The following TRPM2 variants were observed in gnomAD, a reference collection of about 807,000 sequenced individuals.
The protein encoded by TRPM2 is transient receptor potential cation channel subfamily M member 2.
A neutral mutation model predicts 174.0 loss-of-function variants in TRPM2; 161 were observed. The ratio of observed to expected loss-of-function variants is 0.93; its 90% CI spans 0.81 to 1.05. The LOEUF is 1.05. TRPM2 is among the 50% of genes least tolerant of loss of function. The pLI is 0.00. For missense variants in TRPM2, 2,057 were observed against 2,038.0 expected (o/e 1.01, Z -0.18); for synonymous variants, 954 against 861.3 (o/e 1.11, Z -1.88).
In TRPM2 at chr21:44,418,661, C is replaced by G. The variant is rs568176462; in HGVS notation, c.3461+106C>G. Reference sequence around the variant, plus strand: ...CCCACCTGGGGAGGCCCAGCAATGCCTCACCGGTGAGGGAGCGCTGTATCC... The same window carrying G: ...CCCACCTGGGGAGGCCCAGCAATGCGTCACCGGTGAGGGAGCGCTGTATCC... On this transcript the variant is annotated intron_variant, in intron 22 of 31. Coordinates refer to ENST00000397928, the MANE Select transcript of TRPM2 (RefSeq NM_003307.4). The G allele has an allele frequency of 1.6e-4, 229 of 1,419,000 alleles. 1 individual carries two copies. In the African/African-American group the frequency reaches 3.0e-3, roughly 19 times the overall value. 87.9% of individuals were successfully genotyped at this position (1,419,000 alleles called of 1,614,324 possible).
chr21:44,441,629 T>TAGGGCTCAGCTGGGCAGAGGC, intron 31 of TRPM2, 63 bp from the exon 32 acceptor site: 1 of 1,551,952 alleles, frequency 6.4e-7, no homozygotes. Flanking sequence ...CTGCAGTCCG[T>TAGGGCTCAGCTGGGCAGAGGC]AGGGCTCAGC....
At chr21:44,401,234 G>A (rs574842699) in intron 15 of TRPM2, among the ~76,000 whole-genome samples, 1 of 152,318 alleles carries the variant, frequency 6.6e-6, no homozygotes, top group South Asian at 2.1e-4. Context: ...ACCACAGGGG[G>A]AGTGTGGTCA....
chr21:44,400,704 A>G (rs1312553852), intron 15 of TRPM2, among the ~76,000 whole-genome samples: 1 of 152,112 alleles, frequency 6.6e-6, no homozygotes, highest in Non-Finnish European at 1.5e-5. Context: ...CGGCGTGGGC[A>G]GTTAGTGCAG....
intron 22 of TRPM2, among the ~76,000 whole-genome samples, chr21:44,419,626 A>AT (rs1368895478): frequency 1.5e-4 from 1 of 6,510 alleles, no homozygotes; most frequent in African/African-American, 6.9e-4. Flanking sequence ...TGTGGTGGTG[A>AT]TTGTGATGGT....
At position 44,439,302 on chromosome 21, in the gene TRPM2, G is replaced by A. The variant is rs1230990424; in HGVS notation, c.4269+134G>A. 1.3e-6 allele frequency: 1 copy of A among 755,884 alleles called. No individual in the cohort carries two copies. Among genetic ancestry groups the A allele is most frequent in the Non-Finnish European group, 2.2e-6 (1 of 456,856 alleles). 46.8% of individuals were successfully genotyped at this position (755,884 alleles called of 1,614,324 possible). On this transcript the variant is annotated intron_variant, in intron 30 of 31. Transcript: ENST00000397928. This position sits in a 1 kb window ranked among gnomAD's most constrained non-coding sequence, Gnocchi z 5.1. ...CACCCAGCTTCACCAGGTGACGGTG[G>A]TCCCAGCCCCTGCCCCCACGTTGCA... is the stretch of plus-strand genomic sequence containing the variant.
At chr21:44,396,492 A>G (rs1264891626) in intron 12 of TRPM2, among the ~76,000 whole-genome samples, 1 of 15,988 alleles carries the variant, frequency 6.3e-5, no homozygotes, top group East Asian at 2.3e-3. Flanking sequence ...CTGTGGAGGG[A>G]TGTGGAGACT....
intron 5 of TRPM2, among the ~76,000 whole-genome samples, chr21:44,371,546 G>A (rs1340767025): frequency 3.3e-5 from 5 of 151,926 alleles, no homozygotes; most frequent in Admixed American, 6.6e-5. Flanking sequence ...CTCTGCCTCC[G>A]TGTCCCGTGG....
intron 22 of TRPM2, among the ~76,000 whole-genome samples, chr21:44,421,878 C>T (rs1163122787): frequency 6.6e-6 from 1 of 152,202 alleles, no homozygotes; most frequent in South Asian, 2.1e-4. Flanking sequence ...GATGGTGCCA[C>T]TGCACTGCAG....
At chr21:44,402,787 C>T (rs540139221) in intron 16 of TRPM2, among the ~76,000 whole-genome samples, 1 of 152,202 alleles carries the variant, frequency 6.6e-6, no homozygotes, top group Non-Finnish European at 1.5e-5. Context: ...CCTGCACCTG[C>T]TGGCAGCCGG....
intron 9 of TRPM2, 107 bp downstream of exon 9, chr21:44,382,927 C>G: frequency 8.4e-7 from 1 of 1,186,886 alleles, no homozygotes; most frequent in Non-Finnish European, 1.2e-6. Context: ...CCAGAATATT[C>G]CTCCTTGGTC....
chr21:44,393,395 T>C (rs1338267932), intron 11 of TRPM2, among the ~76,000 whole-genome samples: 1 of 152,204 alleles, frequency 6.6e-6, no homozygotes. Context: ...CTGTTTTGAA[T>C]TTCAGCTTGG....
chr21:44,352,291 T>C (rs1026723652), upstream of TRPM2, among the ~76,000 whole-genome samples: 3 of 152,186 alleles, frequency 2.0e-5, no homozygotes, highest in African/African-American at 7.2e-5. Flanking sequence ...CAGTGAAGTT[T>C]ACGGGTCTCG....
At chr21:44,403,952 GCACA>G (rs2049744179) in intron 16 of TRPM2, among the ~76,000 whole-genome samples, 1 of 74,004 alleles carries the variant, frequency 1.4e-5, no homozygotes, top group Non-Finnish European at 3.4e-5. Context: ...ATACACATAT[GCACA>G]CATACATACA....
chr21:44,358,704 C>T (rs987455133), intron 2 of TRPM2, among the ~76,000 whole-genome samples: 4 of 152,152 alleles, frequency 2.6e-5, no homozygotes, highest in Admixed American at 2.6e-4. Flanking sequence ...GACGGGAGAG[C>T]TCAGGTCCTT....
intron 19 of TRPM2, among the ~76,000 whole-genome samples, 156 bp from the exon 20 acceptor site, chr21:44,413,735 C>T (rs1301897822): frequency 6.6e-6 from 1 of 152,200 alleles, no homozygotes; most frequent in African/African-American, 2.4e-5. Context: ...TTCTGGACTT[C>T]TGGCCCAGAG....
chr21:44,418,252 A>G (rs2050384869), intron 21 of TRPM2, 144 bp downstream of exon 21: 1 of 1,379,880 alleles, frequency 7.2e-7, no homozygotes, highest in Non-Finnish European at 9.7e-7. Context: ...GCTGGCCTTG[A>G]GCAAGTGGTG....
At chr21:44,360,473 C>T (rs2048179193) in intron 2 of TRPM2, among the ~76,000 whole-genome samples, 1 of 152,118 alleles carries the variant, frequency 6.6e-6, no homozygotes, top group African/African-American at 2.4e-5. Flanking sequence ...CAGAAGGGCC[C>T]CACGGTTCCC....
chr21:44,387,559 A>G (rs977989742), intron 9 of TRPM2, among the ~76,000 whole-genome samples: 6 of 152,254 alleles, frequency 3.9e-5, no homozygotes, highest in Non-Finnish European at 7.3e-5. Context: ...GACTTTATGA[A>G]AATTAAATAA....
At chr21:44,433,545 CG>C (rs1435882842) in intron 27 of TRPM2, among the ~76,000 whole-genome samples, 1 of 152,130 alleles carries the variant, frequency 6.6e-6, no homozygotes, top group African/African-American at 2.4e-5. Context: ...GAGTGAGAGA[CG>C]GGCTTGGGGT....
Sources: allele counts gnomAD v4.1 joint callset (sites outside exome capture counted in the v4.1 genomes callset), GRCh38; gene constraint gnomAD v4.1.1; non-coding constraint Gnocchi (gnomAD v3.1); transcripts MANE v1.5; gene names NCBI Gene and HGNC (gene_info 2026-07-23, HGNC 2026-07-21).